RAD51B: variants seen among roughly 807,000 people sequenced by gnomAD.
RAD51B encodes RAD51 paralog B.
RAD51B carries 38 observed loss-of-function variants against 42.2 expected under a neutral mutation model. The ratio of observed to expected loss-of-function variants is 0.90; its 90% confidence interval spans 0.70 to 1.18. RAD51B has a LOEUF of 1.18. Among genes scored for constraint, RAD51B ranks in the 50% most tolerant of loss-of-function variants. RAD51B has a pLI of 0.00. For synonymous variants in RAD51B, 154 were observed against 145.2 expected, an observed-to-expected ratio of 1.06 and a Z score of -0.43; for missense variants, 373 against 400.7, an observed-to-expected ratio of 0.93 and a Z score of 0.59.
At chr14:68,025,699 T>C (rs1427101659) in intron 7 of RAD51B, among the ~76,000 whole-genome samples, 1 of 151,976 alleles carries the variant, frequency 6.6e-6, no homozygotes, top group Middle Eastern at 3.2e-3. Context: ...TCTTTCGTTT[T>C]TCTGTGGGAT....
At chr14:67,829,703 G>A (rs1489360257) in intron 3 of RAD51B, among the ~76,000 whole-genome samples, 1 of 152,068 alleles carries the variant, frequency 6.6e-6, no homozygotes, top group Non-Finnish European at 1.5e-5. Flanking sequence ...TGTATTTACT[G>A]AATGTCAAGC....
At chr14:68,549,467 G>C (rs1248245434) in intron 10 of RAD51B, among the ~76,000 whole-genome samples, 2 of 125,516 alleles carry the variant, frequency 1.6e-5, no homozygotes, top group African/African-American at 5.9e-5. Flanking sequence ...CCAGGCTGGA[G>C]TGCAGTGGCG....
intron 10 of RAD51B, among the ~76,000 whole-genome samples, chr14:68,530,685 G>C (rs549900116): frequency 1.3e-5 from 2 of 152,082 alleles, no homozygotes; most frequent in East Asian, 3.9e-4. Flanking sequence ...TTAAAAGAAA[G>C]ACAGTTTTAG....
intron 9 of RAD51B, among the ~76,000 whole-genome samples, chr14:68,419,106 A>C (rs953453334): frequency 6.6e-6 from 1 of 152,184 alleles, no homozygotes; most frequent in Non-Finnish European, 1.5e-5. Flanking sequence ...GTTTTTAGCA[A>C]GCACTTTGGG....
chr14:68,339,908 T>G (rs2082536792), intron 8 of RAD51B, among the ~76,000 whole-genome samples: 2 of 152,212 alleles, frequency 1.3e-5, no homozygotes, highest in Non-Finnish European at 2.9e-5. Flanking sequence ...AAAGAATGTT[T>G]AAAGAAATTG....
intron 10 of RAD51B, among the ~76,000 whole-genome samples, chr14:68,584,442 G>A (rs1279027961): frequency 1.3e-5 from 2 of 152,068 alleles, no homozygotes; most frequent in South Asian, 2.1e-4. Context: ...TATTACAATC[G>A]AGCAAGCCTC....
At chr14:68,428,732 TA>T (rs2084918880) in intron 9 of RAD51B, among the ~76,000 whole-genome samples, 1 of 13,346 alleles carries the variant, frequency 7.5e-5, no homozygotes, top group South Asian at 8.2e-3. Context: ...TATATATATA[TA>T]TATATATATA....
At chr14:68,245,954 G>A (rs1257107522) in intron 7 of RAD51B, among the ~76,000 whole-genome samples, 7 of 152,060 alleles carry the variant, frequency 4.6e-5, no homozygotes, top group African/African-American at 7.2e-5. Context: ...CAGCTGCTCT[G>A]GAAAATGGCC....
intron 7 of RAD51B, among the ~76,000 whole-genome samples, chr14:68,115,362 A>G (rs1320035957): frequency 1.7e-5 from 2 of 120,266 alleles, no homozygotes; most frequent in South Asian, 2.8e-4. Flanking sequence ...ACATGGACAC[A>G]GGAAGGGGAA....
At chr14:68,508,153 T>C (rs1885472816) in intron 10 of RAD51B, among the ~76,000 whole-genome samples, 2 of 152,200 alleles carry the variant, frequency 1.3e-5, no homozygotes. Flanking sequence ...GGCTCTGTTC[T>C]GGTCCAGTGC....
intron 7 of RAD51B, among the ~76,000 whole-genome samples, chr14:68,131,152 A>G (rs946092347): frequency 2.6e-5 from 4 of 152,218 alleles, no homozygotes; most frequent in African/African-American, 9.6e-5. Flanking sequence ...AGTCAGTGAC[A>G]ACCATATCAT....
intron 11 of RAD51B, chr14:68,682,965 A>G (rs1254712931): frequency 2.0e-6 from 2 of 986,688 alleles, no homozygotes; most frequent in Non-Finnish European, 2.4e-6. Context: ...TGAAAGGGGA[A>G]GGAAGCCAGG....
intron 7 of RAD51B, among the ~76,000 whole-genome samples, chr14:67,922,972 T>A (rs895874029): frequency 6.6e-6 from 1 of 152,222 alleles, no homozygotes; most frequent in Non-Finnish European, 1.5e-5. Context: ...ATTACAGGCA[T>A]GGGCCACTGC....
In RAD51B at chr14:68,340,767, T is replaced by C. The variant is rs75525160; in HGVS notation, c.853+48787T>C. Among the ~76,000 whole-genome samples the C allele has an allele frequency of 2.7e-3, 411 of 152,368 alleles. 10 individuals are homozygous for C. In the East Asian group the frequency reaches 0.045, roughly 17 times the overall value. On this transcript the variant is annotated intron_variant, in intron 8 of 10. Transcript: ENST00000471583. ...AGGGGAGGTTTTCCCTAGGCTCCTA[T>C]ACCATCTTGCATATTTGGGATATCC...
chr14:67,954,265 C>T (rs1200259736), intron 7 of RAD51B, among the ~76,000 whole-genome samples: 1 of 152,162 alleles, frequency 6.6e-6, no homozygotes, highest in East Asian at 1.9e-4. Flanking sequence ...TATACTATTC[C>T]TGACCTTACC....
At chr14:68,355,051 C>T (rs1200498675) in intron 8 of RAD51B, among the ~76,000 whole-genome samples, 1 of 152,044 alleles carries the variant, frequency 6.6e-6, no homozygotes, top group African/African-American at 2.4e-5. Context: ...TAGAGGGGAC[C>T]GTGATGCACA....
At chr14:67,944,614 A>C (rs576611892) in intron 7 of RAD51B, among the ~76,000 whole-genome samples, 2 of 152,148 alleles carry the variant, frequency 1.3e-5, no homozygotes, top group Non-Finnish European at 2.9e-5. Context: ...ACTTGATCTT[A>C]TTTAATCTTA....
At chr14:68,021,093 C>T (rs1377521637) in intron 7 of RAD51B, among the ~76,000 whole-genome samples, 1 of 152,152 alleles carries the variant, frequency 6.6e-6, no homozygotes, top group Non-Finnish European at 1.5e-5. Flanking sequence ...ACTGTGTCTG[C>T]CTTGTTCAAG....
chr14:68,030,681 A>C (rs2076027473), intron 7 of RAD51B, among the ~76,000 whole-genome samples: 2 of 152,150 alleles, frequency 1.3e-5, no homozygotes. Flanking sequence ...TTATTTGTTC[A>C]CTGGAGTAGC....
Sources: allele counts gnomAD v4.1 joint callset (sites outside exome capture counted in the v4.1 genomes callset), GRCh38; gene constraint gnomAD v4.1.1; transcripts MANE v1.5; gene names NCBI Gene and HGNC (gene_info 2026-07-23, HGNC 2026-07-21).